Variants in PPARG observed in about 807,000 individuals in gnomAD.
PPARG encodes the protein peroxisome proliferator activated receptor gamma, also known as peroxisome proliferator-activated receptor gamma.
A neutral mutation model predicts 39.2 loss-of-function variants in PPARG; 17 were observed. That is an observed-to-expected ratio of 0.43 (90% confidence interval 0.30 to 0.65). The LOEUF is 0.65. PPARG is among the 30% of genes least tolerant of loss of function. PPARG has a pLI of 0.13. For missense variants in PPARG, 406 were observed against 585.9 expected (o/e 0.69, Z 3.17); for synonymous variants, 223 against 215.7 (o/e 1.03, Z -0.30).
At chr3:12,404,782 C>T (rs1232067718) in intron 5 of PPARG, among the ~76,000 whole-genome samples, 3 of 152,000 alleles carry the variant, frequency 2.0e-5, no homozygotes, top group Non-Finnish European at 2.9e-5. Flanking sequence ...CCAGCCTGGG[C>T]GACAGAGCAA....
chr3:12,424,121 C>T lies in PPARG; in HGVS notation c.1180+6967C>T, dbSNP rs140748822. ...CCATTAGTTCACTATTTTCATAACC[C>T]CATAGACTTGGTTTGACAAGGGTGA... On this transcript the variant is annotated intron_variant, in intron 7 of 7. Transcript: ENST00000651735. 6.6e-4 allele frequency among the ~76,000 whole-genome samples: 101 copies of T among 152,252 alleles called. 1 individual carries two copies. Among genetic ancestry groups the T allele is most frequent in the African/African-American group, 2.3e-3 (94 of 41,534 alleles).
In PPARG at chr3:12,416,932, G is replaced by A. The variant is rs929756683; in HGVS notation, c.958G>A (p.Val320Ile). The A allele has an allele frequency of 1.9e-6, 3 of 1,614,074 alleles. No homozygotes were observed. Among genetic ancestry groups the A allele is most frequent in the Non-Finnish European group, 2.5e-6 (3 of 1,179,992 alleles). Reference sequence around the variant, plus strand: ...CCAAGTAACTCTCCTCAAATATGGAGTCCACGAGATCATTTACACAATGCT... The same window carrying A: ...CCAAGTAACTCTCCTCAAATATGGAATCCACGAGATCATTTACACAATGCT... ...NDQVTLLKYG[V>I]HEIIYTMLAS... The change falls in exon 7 of 8, where the codon GTC becomes ATC. Residue 320 changes from valine to isoleucine, a missense_variant. By Grantham distance (29) the Val-to-Ile change is conservative. Around this residue, in one of 2 missense-constraint regions of PPARG, gnomAD observed 275 missense variants for 458.0 expected, o/e 0.60. Coordinates refer to ENST00000651735, the MANE Select transcript of PPARG (RefSeq NM_138711.6).
intron 3 of PPARG, 123 bp downstream of exon 3, chr3:12,380,054 T>C (rs1334772109): frequency 1.1e-5 from 10 of 893,384 alleles, no homozygotes; most frequent in Non-Finnish European, 1.6e-5. Context: ...TCACCATTCA[T>C]TTATTCACCC....
At chr3:12,369,571 A>G (rs1329280584) in intron 2 of PPARG, among the ~76,000 whole-genome samples, 2 of 152,068 alleles carry the variant, frequency 1.3e-5, no homozygotes, top group Non-Finnish European at 2.9e-5. Context: ...ACTGTGGGAG[A>G]TAATAATTTA....
chr3:12,388,912 T>C (rs1011986344), intron 4 of PPARG, among the ~76,000 whole-genome samples: 8 of 152,270 alleles, frequency 5.3e-5, no homozygotes, highest in African/African-American at 1.9e-4. Context: ...AAGGGTTAGA[T>C]AGCTTACTGG....
chr3:12,298,998 G>A (rs1000624650), intron 1 of PPARG, among the ~76,000 whole-genome samples: 2 of 151,960 alleles, frequency 1.3e-5, no homozygotes, highest in African/African-American at 4.8e-5. Context: ...ACTACACCCA[G>A]CTAATTTTTA....
chr3:12,308,343 CAAAAAA>C (rs57225468), intron 1 of PPARG, among the ~76,000 whole-genome samples: 4 of 37,286 alleles, frequency 1.1e-4, no homozygotes, highest in African/African-American at 4.3e-4. Context: ...GACCCTGTCT[CAAAAAA>C]AAAAAAAAAA....
chr3:12,288,932 G>A, upstream of PPARG: 1 of 152,574 alleles, frequency 6.6e-6, no homozygotes, highest in Non-Finnish European at 1.5e-5. Context: ...GAAATCTCAG[G>A]TCCCTTGGTG....
At chr3:12,346,774 A>G (rs969188821) in intron 2 of PPARG, among the ~76,000 whole-genome samples, 1 of 151,400 alleles carries the variant, frequency 6.6e-6, no homozygotes, top group African/African-American at 2.4e-5. Flanking sequence ...AGCTGACACT[A>G]CAGGTACATG....
chr3:12,328,563 C>T (rs1414318013), intron 2 of PPARG, among the ~76,000 whole-genome samples: 4 of 152,200 alleles, frequency 2.6e-5, no homozygotes, highest in Non-Finnish European at 5.9e-5. Flanking sequence ...GGAAGCTCTG[C>T]CTGAGCTTTC....
intron 7 of PPARG, among the ~76,000 whole-genome samples, chr3:12,431,270 T>C (rs987557711): frequency 6.6e-6 from 1 of 152,128 alleles, no homozygotes; most frequent in African/African-American, 2.4e-5. Flanking sequence ...TCTATATAAC[T>C]CTTAGGTTAA....
intron 4 of PPARG, among the ~76,000 whole-genome samples, chr3:12,392,166 T>C (rs1489609045): frequency 6.6e-6 from 1 of 152,236 alleles, no homozygotes; most frequent in African/African-American, 2.4e-5. Context: ...TGGATTTTTA[T>C]TGGCCCTGAT....
At chr3:12,332,053 AATGGT>A (rs1377959463) in intron 2 of PPARG, among the ~76,000 whole-genome samples, 4 of 152,228 alleles carry the variant, frequency 2.6e-5, no homozygotes, top group Non-Finnish European at 5.9e-5. Flanking sequence ...GTTATATACT[AATGGT>A]TGTCAAATTA....
chr3:12,381,549 A>C, intron 4 of PPARG, 58 bp downstream of exon 4: 1 of 1,554,246 alleles, frequency 6.4e-7, no homozygotes, highest in Non-Finnish European at 8.8e-7. Context: ...TCATTTCAGC[A>C]GAACCCCTTT....
chr3:12,408,567 CTTT>C (rs397945616), intron 6 of PPARG, among the ~76,000 whole-genome samples: 14,670 of 113,092 alleles, frequency 0.13, 770 homozygotes, highest in Admixed American at 0.22. Flanking sequence ...CTTTTCTTTT[CTTT>C]TTTTTTTTTT....
intron 2 of PPARG, among the ~76,000 whole-genome samples, chr3:12,349,253 G>T (rs1190003628): frequency 1.3e-5 from 2 of 152,082 alleles, no homozygotes; most frequent in African/African-American, 4.8e-5. Context: ...GAATAAATGT[G>T]GAAATAAGTC....
intron 1 of PPARG, among the ~76,000 whole-genome samples, chr3:12,304,214 C>T (rs2047000166): frequency 6.6e-6 from 1 of 152,104 alleles, no homozygotes. Flanking sequence ...TCATTCTTGC[C>T]CCCGTGATGT....
chr3:12,288,573 CT>C (rs1363588509), upstream of PPARG, among the ~76,000 whole-genome samples: 1 of 152,058 alleles, frequency 6.6e-6, no homozygotes, highest in Admixed American at 6.5e-5. Flanking sequence ...TGCGTCCGTC[CT>C]GAGGCCGCGC....
chr3:12,402,216 TGA>T (rs1329619035), intron 5 of PPARG, among the ~76,000 whole-genome samples: 2 of 152,332 alleles, frequency 1.3e-5, no homozygotes, highest in East Asian at 3.9e-4. Flanking sequence ...GTGTGGTCTG[TGA>T]AATAACAAAA....
Sources: gnomAD v4.1 joint callset for allele counts (sites outside exome capture counted in the v4.1 genomes callset) on GRCh38, gnomAD v4.1.1 for gene constraint, gnomAD v4.1.1 regional missense constraint, MANE v1.5 for transcripts, NCBI Gene and HGNC (gene_info 2026-07-23, HGNC 2026-07-21) for gene names.